OR1J2: variants seen among roughly 807,000 people sequenced by gnomAD.
OR1J2 encodes olfactory receptor 1J2.
For synonymous variants in OR1J2, 142 were observed against 99.7 expected, an observed-to-expected ratio of 1.42 and a Z score of -2.52; for missense variants, 304 against 246.1, an observed-to-expected ratio of 1.24 and a Z score of -1.57.
chr9:122,493,014 CTT>C, the OR1J2 span, among the ~76,000 whole-genome samples: 1 of 152,054 alleles, frequency 6.6e-6, no homozygotes, highest in Non-Finnish European at 1.5e-5. Flanking sequence ...CATTTATTGA[CTT>C]ACGTATGTTA....
chr9:122,554,605 G>GC, the OR1J2 span, among the ~76,000 whole-genome samples: 104 of 152,066 alleles, frequency 6.8e-4, no homozygotes, highest in Non-Finnish European at 2.1e-4. Flanking sequence ...TGAAAACTGT[G>GC]AATTAGGATG....
chr9:122,466,203 C>T, the OR1J2 span, among the ~76,000 whole-genome samples: 2 of 152,076 alleles, frequency 1.3e-5, no homozygotes, highest in Non-Finnish European at 2.9e-5. Flanking sequence ...GAGCCTGAAG[C>T]ACAGTGAGCA....
chr9:122,453,147 C>T, the OR1J2 span, among the ~76,000 whole-genome samples: 8 of 152,134 alleles, frequency 5.3e-5, no homozygotes, highest in Admixed American at 1.3e-4. Flanking sequence ...TAAAACTCCC[C>T]GAGGCCTCCC....
At chr9:122,493,952 AG>A in the OR1J2 span, among the ~76,000 whole-genome samples, 1 of 152,210 alleles carries the variant, frequency 6.6e-6, no homozygotes, top group South Asian at 2.1e-4. Flanking sequence ...ACAATCATTC[AG>A]GAACAGGTTA....
chr9:122,470,151 C>T, the OR1J2 span, among the ~76,000 whole-genome samples: 1 of 152,158 alleles, frequency 6.6e-6, no homozygotes, highest in Non-Finnish European at 1.5e-5. Flanking sequence ...ATGTCAGAGA[C>T]CTTTGTGGCA....
At chr9:122,580,059 TC>T in the OR1J2 span, among the ~76,000 whole-genome samples, 1 of 152,158 alleles carries the variant, frequency 6.6e-6, no homozygotes, top group Non-Finnish European at 1.5e-5. Flanking sequence ...ACTTCCTGTC[TC>T]TCACTAACTG....
the OR1J2 span, among the ~76,000 whole-genome samples, chr9:122,538,702 A>G: frequency 1.3e-5 from 2 of 152,188 alleles, no homozygotes; most frequent in Admixed American, 6.5e-5. Flanking sequence ...CATCTTTGTC[A>G]TATTATGCAG....
At chr9:122,545,879 T>C in the OR1J2 span, among the ~76,000 whole-genome samples, 7 of 151,464 alleles carry the variant, frequency 4.6e-5, no homozygotes, top group African/African-American at 1.7e-4. Flanking sequence ...ATAGATGAAT[T>C]GTGGTATATT....
At chr9:122,455,141 T>C in the OR1J2 span, among the ~76,000 whole-genome samples, 63 of 152,372 alleles carry the variant, frequency 4.1e-4, no homozygotes, top group Admixed American at 1.2e-3. Flanking sequence ...TTGTGTTGTT[T>C]CCACTTTTTG....
At chr9:122,519,951 G>A in the OR1J2 span, 2 of 1,614,128 alleles carry the variant, frequency 1.2e-6, no homozygotes, top group Admixed American at 3.3e-5. Flanking sequence ...CAGTGACAAG[G>A]ACGTAATTGC....
chr9:122,519,432 G>A, the OR1J2 span: 31 of 1,614,184 alleles, frequency 1.9e-5, no homozygotes, highest in African/African-American at 2.1e-4. Context: ...TGCAGGGTGT[G>A]TAACTCAGAT....
chr9:122,533,541 G>A, the OR1J2 span, among the ~76,000 whole-genome samples: 9 of 152,142 alleles, frequency 5.9e-5, no homozygotes, highest in Admixed American at 1.3e-4. Flanking sequence ...GGGAGAAGGC[G>A]GCAATGAGGT....
the OR1J2 span, chr9:122,568,387 G>A: frequency 2.2e-5 from 36 of 1,613,618 alleles, no homozygotes; most frequent in African/African-American, 4.4e-4. Context: ...ATGAGGAAGA[G>A]AACAAAGAGT....
downstream of OR1J2, among the ~76,000 whole-genome samples, chr9:122,513,280 G>A (rs1485030798): frequency 6.6e-6 from 1 of 152,162 alleles, no homozygotes; most frequent in Admixed American, 6.5e-5. Context: ...GCAGTAACTG[G>A]GATGGCATTG....
At chr9:122,519,452 C>T in the OR1J2 span, 1 of 1,614,140 alleles carries the variant, frequency 6.2e-7, no homozygotes, top group Non-Finnish European at 8.5e-7. Flanking sequence ...TGTATTTTTT[C>T]ATATTTTTCA....
At chr9:122,546,131 C>T in the OR1J2 span, among the ~76,000 whole-genome samples, 2 of 152,054 alleles carry the variant, frequency 1.3e-5, no homozygotes, top group Admixed American at 6.6e-5. Context: ...TTACCTGGAC[C>T]TCATTTAGAT....
the OR1J2 span, among the ~76,000 whole-genome samples, chr9:122,500,744 C>T: frequency 6.6e-6 from 1 of 151,994 alleles, no homozygotes; most frequent in East Asian, 1.9e-4. Context: ...ATCTAGGTGC[C>T]ACCATCTGTA....
the OR1J2 span, among the ~76,000 whole-genome samples, chr9:122,532,743 T>C: frequency 6.6e-6 from 1 of 152,120 alleles, no homozygotes; most frequent in Non-Finnish European, 1.5e-5. Flanking sequence ...GACATGATGG[T>C]CAGCCTAAAA....
At chr9:122,500,563 T>G in the OR1J2 span, among the ~76,000 whole-genome samples, 1 of 152,190 alleles carries the variant, frequency 6.6e-6, no homozygotes, top group Non-Finnish European at 1.5e-5. Flanking sequence ...GTAAAGGAAT[T>G]TCCGATTTCA....
Sources: gnomAD v4.1 joint callset for allele counts (sites outside exome capture counted in the v4.1 genomes callset) on GRCh38, gnomAD v4.1.1 for gene constraint, MANE v1.5 for transcripts, NCBI Gene and HGNC (gene_info 2026-07-23, HGNC 2026-07-21) for gene names.